The following HDAC9 variants were observed in gnomAD, a reference collection of about 807,000 sequenced individuals.
HDAC9 encodes histone deacetylase 9.
A neutral mutation model predicts 139.4 loss-of-function variants in HDAC9; 41 were observed. The observed-to-expected ratio is 0.29, with a 90% CI of 0.23 to 0.38. The LOEUF is 0.38. Ranked by LOEUF, HDAC9 falls within the 10% of genes least tolerant of loss-of-function variation. The pLI is 1.00. For missense variants in HDAC9, 1,147 were observed against 1,297.0 expected, an observed-to-expected ratio of 0.88 and a Z score of 1.78; for synonymous variants, 517 against 476.2, an observed-to-expected ratio of 1.09 and a Z score of -1.12.
At chr7:18,160,238 G>A (rs1048131507) in intron 1 of HDAC9, among the ~76,000 whole-genome samples, 4 of 152,096 alleles carry the variant, frequency 2.6e-5, no homozygotes, top group Non-Finnish European at 4.4e-5. Context: ...TTCTCTAAAG[G>A]TTTCCTGTTG....
intron 2 of HDAC9, among the ~76,000 whole-genome samples, chr7:18,207,539 C>CTTTGTTTTTTTTTTTTT (rs1791615710): frequency 3.7e-5 from 2 of 53,728 alleles, no homozygotes; most frequent in African/African-American, 7.8e-5. Flanking sequence ...CCCAAGGAGT[C>CTTTGTTTTTTTTTTTTT]TTTTTTTTTT....
At chr7:18,469,230 C>T (rs948432494) in intron 1 of HDAC9, among the ~76,000 whole-genome samples, 1 of 152,142 alleles carries the variant, frequency 6.6e-6, no homozygotes, top group Non-Finnish European at 1.5e-5. Context: ...AAACTTTTGG[C>T]TGTGTGCTGA....
chr7:18,117,953 C>T (rs1408795555), intron 1 of HDAC9, among the ~76,000 whole-genome samples: 3 of 152,146 alleles, frequency 2.0e-5, no homozygotes, highest in Non-Finnish European at 2.9e-5. Flanking sequence ...ATGTTATTAT[C>T]ATACACATTA....
At chr7:18,491,730 C>T (rs984266929), upstream of HDAC9, among the ~76,000 whole-genome samples, 1 of 151,864 alleles carries the variant, frequency 6.6e-6, no homozygotes, top group Non-Finnish European at 1.5e-5. Context: ...TTCTGATGTC[C>T]AAGGCATTCG....
At chr7:18,199,865 G>A (rs967238682) in intron 2 of HDAC9, among the ~76,000 whole-genome samples, 4 of 151,866 alleles carry the variant, frequency 2.6e-5, no homozygotes, top group African/African-American at 9.7e-5. Flanking sequence ...AGGAATTTGA[G>A]GCTGCAGTGA....
At chr7:18,237,892 C>G (rs532948530) in intron 2 of HDAC9, among the ~76,000 whole-genome samples, 5 of 152,270 alleles carry the variant, frequency 3.3e-5, no homozygotes, top group African/African-American at 1.2e-4. Flanking sequence ...AGTATTCTTG[C>G]ATCAGTAGGT....
intron 1 of HDAC9, among the ~76,000 whole-genome samples, chr7:18,133,844 C>T (rs1338038747): frequency 5.9e-5 from 9 of 151,794 alleles, no homozygotes; most frequent in Non-Finnish European, 7.4e-5. Flanking sequence ...ATTTCCATGG[C>T]GTTACATTTT....
At chr7:18,879,825 C>T (rs1043671734) in intron 22 of HDAC9, among the ~76,000 whole-genome samples, 2 of 152,094 alleles carry the variant, frequency 1.3e-5, no homozygotes, top group Admixed American at 6.6e-5. Flanking sequence ...TCTTATTAAG[C>T]TAAATAGCCT....
At chr7:18,317,140 A>C (rs1212166581) in intron 1 of HDAC9, among the ~76,000 whole-genome samples, 3 of 145,334 alleles carry the variant, frequency 2.1e-5, no homozygotes, top group Non-Finnish European at 3.0e-5. Flanking sequence ...TAAATAAATA[A>C]ATAAATAAAT....
At chr7:18,110,455 C>G (rs144859167) in intron 1 of HDAC9, among the ~76,000 whole-genome samples, 1 of 152,174 alleles carries the variant, frequency 6.6e-6, no homozygotes, top group Non-Finnish European at 1.5e-5. Context: ...AGAGATATTC[C>G]AGGCAGAGAG....
chr7:18,269,762 A>G (rs1228416763), intron 2 of HDAC9, among the ~76,000 whole-genome samples: 4 of 152,058 alleles, frequency 2.6e-5, no homozygotes, highest in Non-Finnish European at 5.9e-5. Flanking sequence ...ATACACATAT[A>G]TATATATACA....
chr7:18,129,924 A>G (rs1374680349), intron 1 of HDAC9, among the ~76,000 whole-genome samples: 2 of 152,144 alleles, frequency 1.3e-5, no homozygotes, highest in Non-Finnish European at 2.9e-5. Flanking sequence ...TCTAGAATGG[A>G]TATATTTAAA....
At chr7:18,542,869 A>G (rs1190289138) in intron 2 of HDAC9, among the ~76,000 whole-genome samples, 1 of 152,202 alleles carries the variant, frequency 6.6e-6, no homozygotes, top group Non-Finnish European at 1.5e-5. Flanking sequence ...TTAATGAAGT[A>G]TATTAATTAC....
chr7:18,299,182 T>C (rs533395298), intron 1 of HDAC9, among the ~76,000 whole-genome samples: 1 of 151,874 alleles, frequency 6.6e-6, no homozygotes, highest in African/African-American at 2.4e-5. Context: ...AAATTTATTT[T>C]AAAAAGTGAT....
intron 12 of HDAC9, among the ~76,000 whole-genome samples, chr7:18,691,579 C>G (rs1473988475): frequency 6.6e-6 from 1 of 151,944 alleles, no homozygotes; most frequent in Non-Finnish European, 1.5e-5. Flanking sequence ...CACAGACCAC[C>G]TGTAACATGA....
At chr7:18,862,389 C>T (rs969971087) in intron 21 of HDAC9, among the ~76,000 whole-genome samples, 1 of 152,166 alleles carries the variant, frequency 6.6e-6, no homozygotes, top group African/African-American at 2.4e-5. Flanking sequence ...CCCCCAGTCT[C>T]ATATAATAGT....
intron 1 of HDAC9, among the ~76,000 whole-genome samples, chr7:18,138,973 A>T (rs1050157184): frequency 1.3e-5 from 2 of 152,188 alleles, no homozygotes; most frequent in African/African-American, 4.8e-5. Context: ...CAGTTCTAGT[A>T]ATCTTCCATT....
intron 12 of HDAC9, chr7:18,668,498 T>A: frequency 1.0e-6 from 1 of 979,392 alleles, no homozygotes; most frequent in African/African-American, 1.7e-5. Context: ...CAGACTTTTG[T>A]ATAATATTAC....
intron 9 of HDAC9, among the ~76,000 whole-genome samples, chr7:18,646,940 A>T (rs1398174867): frequency 6.6e-6 from 1 of 152,188 alleles, no homozygotes; most frequent in Admixed American, 6.5e-5. Context: ...GGTATCTGTT[A>T]TGAATTAATA....
Sources: gnomAD v4.1 joint callset for allele counts (sites outside exome capture counted in the v4.1 genomes callset) on GRCh38, gnomAD v4.1.1 for gene constraint, MANE v1.5 for transcripts, NCBI Gene and HGNC (gene_info 2026-07-23, HGNC 2026-07-21) for gene names.